The following TGFBRAP1 variants were observed in gnomAD, a reference collection of about 807,000 sequenced individuals.
The protein encoded by TGFBRAP1 is transforming growth factor beta receptor associated protein 1.
Under a neutral mutation model 83.2 loss-of-function variants are expected in TGFBRAP1, and 20 were observed. The observed-to-expected ratio is 0.24, with a 90% CI of 0.17 to 0.35. The LOEUF (loss-of-function observed/expected upper bound fraction) is 0.35. TGFBRAP1 is among the 10% of genes least tolerant of loss of function. TGFBRAP1 has a pLI of 1.00. For missense variants in TGFBRAP1, 950 were observed against 1,099.4 expected, an observed-to-expected ratio of 0.86 and a Z score of 1.92; for synonymous variants, 415 against 459.8, an observed-to-expected ratio of 0.90 and a Z score of 1.25.
chr2:105,269,286 A>G lies in TGFBRAP1; in HGVS notation c.2392T>C (p.Tyr798His). ...LGLARSENLIYTYDKMKLKGS... is the reference protein window; with the variant it reads ...LGLARSENLIHTYDKMKLKGS... ...CCAGCACTTACCTTATCGTAGGTGT[A>G]GATTAAGTTTTCGGACCTGGCCAGG... Residue 798 changes from tyrosine to histidine, a missense_variant, in exon 11 of 12, where the codon TAC becomes CAC. By Grantham distance (83) the Tyr-to-His change is moderately conservative (BLOSUM62 2). Transcript: ENST00000393359. The surrounding 1 kb of genome is among the most constrained non-coding windows in gnomAD (Gnocchi z 4.1). 1 of 1,606,072 alleles carries G rather than the reference A, an allele frequency of 6.2e-7. No individual in the cohort carries two copies. Among genetic ancestry groups the G allele is most frequent in the East Asian group, 2.2e-5 (1 of 44,626 alleles).
intron 1 of TGFBRAP1, among the ~76,000 whole-genome samples, chr2:105,314,815 T>C (rs1425752661): frequency 6.6e-6 from 1 of 151,482 alleles, no homozygotes; most frequent in Non-Finnish European, 1.5e-5. Flanking sequence ...CCAGGCGTGG[T>C]GGCAGGCACC....
intron 1 of TGFBRAP1, among the ~76,000 whole-genome samples, chr2:105,326,343 TAGA>T (rs1253124059): frequency 6.6e-6 from 1 of 151,880 alleles, no homozygotes; most frequent in East Asian, 1.9e-4. Context: ...AAGTGGGAGG[TAGA>T]AGAAGAGCAG....
chr2:105,305,486 T>C (rs932228676), intron 2 of TGFBRAP1, among the ~76,000 whole-genome samples: 2 of 152,188 alleles, frequency 1.3e-5, no homozygotes, highest in African/African-American at 4.8e-5. Flanking sequence ...TTGATAAGGC[T>C]GTCCAGAGAA....
At chr2:105,279,019 T>G (rs1677441481) in intron 6 of TGFBRAP1, among the ~76,000 whole-genome samples, 1 of 152,024 alleles carries the variant, frequency 6.6e-6, no homozygotes, top group Non-Finnish European at 1.5e-5. Context: ...ATCCACGCTT[T>G]TGTCATTTCA....
chr2:105,313,556 T>C (rs77313416), intron 1 of TGFBRAP1, among the ~76,000 whole-genome samples: 1,930 of 152,328 alleles, frequency 0.013, 54 homozygotes, highest in African/African-American at 0.045. Flanking sequence ...AGAGGGAACA[T>C]ATCCTTACTT....
chr2:105,300,453 T>TC (rs1678247327), intron 2 of TGFBRAP1, among the ~76,000 whole-genome samples: 2 of 126,322 alleles, frequency 1.6e-5, no homozygotes, highest in Non-Finnish European at 3.3e-5. Flanking sequence ...TTTTTTTTTT[T>TC]TCCGAGACAG....
At chr2:105,304,549 G>A (rs1298950447) in intron 2 of TGFBRAP1, among the ~76,000 whole-genome samples, 4 of 152,212 alleles carry the variant, frequency 2.6e-5, no homozygotes, top group Admixed American at 1.3e-4. Context: ...TTGGGAGGCC[G>A]AGGCGGGTGG....
intron 7 of TGFBRAP1, among the ~76,000 whole-genome samples, chr2:105,276,329 T>C (rs1001708199): frequency 6.6e-6 from 1 of 152,164 alleles, no homozygotes; most frequent in Non-Finnish European, 1.5e-5. Context: ...GCAGCATCAC[T>C]TGGGGGTAGA....
chr2:105,253,234 G>A, the TGFBRAP1 span, among the ~76,000 whole-genome samples: 33 of 152,260 alleles, frequency 2.2e-4, 1 homozygote, highest in East Asian at 6.2e-3. Context: ...CCGGGTTCAA[G>A]TGATTCTCCT....
Position 105,275,597 on chromosome 2 carries a change from C to CA in TGFBRAP1, c.1627dup (p.Trp543LeufsTer5). 1 of 1,614,164 alleles carries CA rather than the reference C, an allele frequency of 6.2e-7. No homozygotes were observed. The highest frequency in any genetic ancestry group is 8.5e-7 in the Non-Finnish European group (1 of 1,180,044). ...CTGCAGGACCCAATCAGCATAGGCC[C>CA]ACACTAGTTCCTCGTCTAAGCAGTA... On this transcript the variant is annotated frameshift_variant, in exon 8 of 12. Transcript: ENST00000393359. LOFTEE classifies it high-confidence loss of function.
chr2:105,305,301 A>G (rs73945095), intron 2 of TGFBRAP1, among the ~76,000 whole-genome samples: 146 of 152,350 alleles, frequency 9.6e-4, no homozygotes, highest in African/African-American at 3.4e-3. Context: ...AGCAATTTGA[A>G]ATGAGGTGAC....
At chr2:105,320,426 C>CA (rs1477367711) in intron 1 of TGFBRAP1, among the ~76,000 whole-genome samples, 1 of 151,012 alleles carries the variant, frequency 6.6e-6, no homozygotes, top group Non-Finnish European at 1.5e-5. Flanking sequence ...GATAGTCCAT[C>CA]AAAAATGAAT....
At chr2:105,317,361 T>C (rs1275270103) in intron 1 of TGFBRAP1, among the ~76,000 whole-genome samples, 2 of 150,984 alleles carry the variant, frequency 1.3e-5, no homozygotes, top group Admixed American at 6.6e-5. Context: ...TGCTTGAACC[T>C]GAGAGGCGGA....
chr2:105,327,974 A>C (rs1404153301), intron 1 of TGFBRAP1, among the ~76,000 whole-genome samples: 6 of 152,228 alleles, frequency 3.9e-5, no homozygotes, highest in Non-Finnish European at 8.8e-5. Flanking sequence ...CAATTACTCA[A>C]AACATAAAAC....
At chr2:105,262,394 T>A (rs777095892), downstream of TGFBRAP1, among the ~76,000 whole-genome samples, 11 of 152,192 alleles carry the variant, frequency 7.2e-5, no homozygotes, top group South Asian at 2.1e-4. Flanking sequence ...TCTTGCCATG[T>A]GATGCATCTG....
chr2:105,267,880 A>C (rs78241490), intron 11 of TGFBRAP1: 1 of 985,342 alleles, frequency 1.0e-6, no homozygotes, highest in East Asian at 1.1e-4. Flanking sequence ...GCCTGTTAGA[A>C]AGTCATGAAT....
At chr2:105,287,291 C>T (rs1677752069) in intron 4 of TGFBRAP1, among the ~76,000 whole-genome samples, 1 of 152,064 alleles carries the variant, frequency 6.6e-6, no homozygotes, top group South Asian at 2.1e-4. Flanking sequence ...GTGACGGCTG[C>T]ACAGCATGGT....
intron 1 of TGFBRAP1, among the ~76,000 whole-genome samples, chr2:105,316,467 G>GCGCGCGCGCGCGCGCA (rs1558654643): frequency 3.4e-5 from 2 of 58,250 alleles, no homozygotes; most frequent in Non-Finnish European, 7.6e-5. Context: ...GTGTGTGCGC[G>GCGCGCGCGCGCGCGCA]CGCGCGCGCG....
At chr2:105,299,549 G>A (rs73945084) in intron 2 of TGFBRAP1, among the ~76,000 whole-genome samples, 2,271 of 151,978 alleles carry the variant, frequency 0.015, 55 homozygotes, top group African/African-American at 0.051. Flanking sequence ...GCTGAACATC[G>A]CCCAACCAGA....
Sources: allele counts gnomAD v4.1 joint callset (sites outside exome capture counted in the v4.1 genomes callset), GRCh38; gene constraint gnomAD v4.1.1; non-coding constraint Gnocchi (gnomAD v3.1); transcripts MANE v1.5; gene names NCBI Gene and HGNC (gene_info 2026-07-23, HGNC 2026-07-21).